Variants in PDE10A observed in about 807,000 individuals in gnomAD.
PDE10A encodes the protein cAMP and cAMP-inhibited cGMP 3',5'-cyclic phosphodiesterase 10A.
Under a neutral mutation model 97.7 loss-of-function variants are expected in PDE10A, and 39 were observed. That is an observed-to-expected ratio of 0.40 (90% confidence interval 0.31 to 0.52). The LOEUF (loss-of-function observed/expected upper bound fraction) is 0.52. PDE10A is among the 20% of genes least tolerant of loss of function. The pLI, the probability that PDE10A is intolerant of heterozygous loss-of-function variation, is 0.56. For synonymous variants in PDE10A, 371 were observed against 376.8 expected (o/e 0.98, Z 0.18); for missense variants, 731 against 1,047.8 (o/e 0.70, Z 4.17).
At chr6:165,838,543 G>C (rs894738474) in intron 1 of PDE10A, among the ~76,000 whole-genome samples, 2 of 152,068 alleles carry the variant, frequency 1.3e-5, no homozygotes, top group Non-Finnish European at 2.9e-5. Flanking sequence ...AAGAAATTCC[G>C]TACTCATTTT....
intron 1 of PDE10A, among the ~76,000 whole-genome samples, chr6:165,776,384 G>A (rs2128460855): frequency 6.6e-6 from 1 of 152,342 alleles, no homozygotes. Flanking sequence ...TTCAGAAGTT[G>A]ATATAATCAT....
At chr6:165,532,614 G>A (rs2128315699) in intron 2 of PDE10A, among the ~76,000 whole-genome samples, 1 of 151,998 alleles carries the variant, frequency 6.6e-6, no homozygotes, top group African/African-American at 2.4e-5. Context: ...ATTACCTGGG[G>A]AGCTAGCCAA....
At chr6:165,416,119 G>T in intron 12 of PDE10A, 70 bp downstream of exon 12, 1 of 1,001,642 alleles carries the variant, frequency 1.0e-6, no homozygotes, top group Non-Finnish European at 1.6e-6. Context: ...CAGGCTCCAC[G>T]GAAGAGGTTT....
chr6:165,717,756 A>T (rs78268175), intron 1 of PDE10A, among the ~76,000 whole-genome samples: 1,578 of 152,312 alleles, frequency 0.01, 34 homozygotes, highest in African/African-American at 0.036. Flanking sequence ...CCAGCAATGC[A>T]CAAGGGTTCC....
Position 165,462,328 on chromosome 6 carries a change from C to T in PDE10A, c.1024-11966G>A, listed in dbSNP as rs114563000. Among the ~76,000 whole-genome samples the T allele has an allele frequency of 3.3e-3, 501 of 152,264 alleles. 7 individuals are homozygous for T. Among genetic ancestry groups the T allele is most frequent in the African/African-American group, 0.012 (481 of 41,544 alleles). On this transcript the variant is annotated intron_variant, in intron 3 of 21. Coordinates refer to ENST00000539869, the MANE Select transcript of PDE10A (RefSeq NM_001385079.1). Reference sequence around the variant, plus strand: ...TTAACTTTAAATTTTTTGAGCCTGTCCAAAGGCCAGATGTTATCAGCACCT... The same window carrying T: ...TTAACTTTAAATTTTTTGAGCCTGTTCAAAGGCCAGATGTTATCAGCACCT...
intron 3 of PDE10A, among the ~76,000 whole-genome samples, chr6:165,453,291 G>A (rs1263519177): frequency 1.3e-5 from 2 of 152,240 alleles, no homozygotes; most frequent in Admixed American, 6.5e-5. Context: ...TGGAAAATTT[G>A]CAGCCTAGAT....
Position 165,847,372 on chromosome 6 carries a change from GATTT to G in PDE10A, c.-615+140153_-615+140156del, listed in dbSNP as rs1562766079. Among the ~76,000 whole-genome samples the G allele has an allele frequency of 2.0e-5, 3 of 152,348 alleles. No individual in the cohort carries two copies. In the East Asian group the frequency reaches 5.8e-4, roughly 29 times the overall value. On this transcript the variant is annotated intron_variant, in intron 1 of 19. Transcript: ENST00000366882. ...ATGTTACTGAAAGTTGATGGCTTCT[GATTT>G]ATTAGCTACACCTGTGTAATAAGAA...
At chr6:165,926,591 C>A (rs970290310) in intron 1 of PDE10A, among the ~76,000 whole-genome samples, 18 of 152,220 alleles carry the variant, frequency 1.2e-4, no homozygotes, top group African/African-American at 3.6e-4. Flanking sequence ...TGTGTCCCTG[C>A]ACTGGATGAC....
chr6:165,336,259 C>T (rs779410560), intron 20 of PDE10A, 48 bp from the exon 21 acceptor site: 20 of 1,183,390 alleles, frequency 1.7e-5, no homozygotes, highest in Non-Finnish European at 2.4e-5. Flanking sequence ...TGCACATTAG[C>T]AATTCCAGTG....
intron 1 of PDE10A, among the ~76,000 whole-genome samples, chr6:165,829,529 G>A (rs926080920): frequency 6.6e-6 from 1 of 152,202 alleles, no homozygotes; most frequent in African/African-American, 2.4e-5. Context: ...CTGGGGAGGA[G>A]CATGCTTCGC....
At chr6:165,365,826 GTTAT>G (rs1449959009) in intron 18 of PDE10A, among the ~76,000 whole-genome samples, 1 of 152,122 alleles carries the variant, frequency 6.6e-6, no homozygotes, top group Non-Finnish European at 1.5e-5. Context: ...GTTAACATTA[GTTAT>G]TTAAAGTCTT....
At chr6:165,604,943 A>C (rs563265792) in intron 1 of PDE10A, among the ~76,000 whole-genome samples, 2 of 152,330 alleles carry the variant, frequency 1.3e-5, no homozygotes, top group East Asian at 3.9e-4. Flanking sequence ...AAAAACAAAA[A>C]CTAAAAAAAT....
In PDE10A at chr6:165,392,748, G is replaced by T; in HGVS notation, c.2352C>A (p.Asn784Lys). ...AGTTGTGATAAGGAACCCGCCGATA[G>T]TTCTTCTTCACAGACATAATAAAAC... ...LCRFIMSVKK[N>K]YRRVPYHNWK... The change falls in exon 16 of 22, where the codon AAC becomes AAA. Residue 784 changes from asparagine to lysine, a missense_variant. Transcript: ENST00000539869. The T allele has an allele frequency of 6.2e-7, 1 of 1,613,916 alleles. No homozygotes were observed. Among genetic ancestry groups the T allele is most frequent in the Non-Finnish European group, 8.5e-7 (1 of 1,179,808 alleles).
intron 10 of PDE10A, among the ~76,000 whole-genome samples, chr6:165,420,070 T>C (rs758822243): frequency 6.6e-6 from 1 of 152,170 alleles, no homozygotes; most frequent in Non-Finnish European, 1.5e-5. Context: ...AGGTTACTTC[T>C]CACCTCCCTT....
chr6:165,751,718 A>G (rs1046336620), intron 1 of PDE10A, among the ~76,000 whole-genome samples: 4 of 152,238 alleles, frequency 2.6e-5, no homozygotes, highest in Non-Finnish European at 5.9e-5. Context: ...AGACAGTCCC[A>G]GCAGCGCTAT....
chr6:165,530,805 A>T (rs1175110004), intron 2 of PDE10A, among the ~76,000 whole-genome samples: 1 of 152,224 alleles, frequency 6.6e-6, no homozygotes, highest in Non-Finnish European at 1.5e-5. Flanking sequence ...AAGTGTGCTG[A>T]TGTTTTGGAG....
At chr6:165,891,793 A>G (rs1781807510) in intron 1 of PDE10A, among the ~76,000 whole-genome samples, 1 of 152,236 alleles carries the variant, frequency 6.6e-6, no homozygotes, top group African/African-American at 2.4e-5. Context: ...ATAAGAGGTC[A>G]CATAGCTGAA....
At chr6:165,619,049 C>CTAGTG (rs1787872631) in intron 1 of PDE10A, among the ~76,000 whole-genome samples, 1 of 101,890 alleles carries the variant, frequency 9.8e-6, no homozygotes, top group Non-Finnish European at 2.1e-5. Flanking sequence ...GTAGTGTAGT[C>CTAGTG]TAGTGTGGTG....
At chr6:165,739,381 A>G (rs1251149996) in intron 1 of PDE10A, among the ~76,000 whole-genome samples, 3 of 152,228 alleles carry the variant, frequency 2.0e-5, no homozygotes, top group Non-Finnish European at 4.4e-5. Context: ...AGAACATACA[A>G]TGGGAGAACG....
Sources: allele counts gnomAD v4.1 joint callset (sites outside exome capture counted in the v4.1 genomes callset), GRCh38; gene constraint gnomAD v4.1.1; transcripts MANE v1.5; gene names NCBI Gene and HGNC (gene_info 2026-07-23, HGNC 2026-07-21).